Variants in SYNE1 observed in about 807,000 individuals in gnomAD.
SYNE1 encodes the protein spectrin repeat containing nuclear envelope protein 1.
A neutral mutation model predicts 1,111.0 loss-of-function variants in SYNE1; 616 were observed. The ratio of observed to expected loss-of-function variants is 0.55; its 90% CI spans 0.52 to 0.59. The LOEUF (loss-of-function observed/expected upper bound fraction) is 0.59. Ranked by LOEUF, SYNE1 falls within the 20% of genes least tolerant of loss-of-function variation. The pLI is 0.00. For synonymous variants in SYNE1, 3,855 were observed against 3,825.8 expected, an observed-to-expected ratio of 1.01 and a Z score of -0.28; for missense variants, 10,006 against 10,417.0, an observed-to-expected ratio of 0.96 and a Z score of 1.72.
At chr6:152,383,953 G>T in intron 55 of SYNE1, among the ~76,000 whole-genome samples, 1 of 152,160 alleles carries the variant, frequency 6.6e-6, no homozygotes, top group Middle Eastern at 3.2e-3. Flanking sequence ...TCTAGGCAAA[G>T]ACTTGACCAT....
intron 70 of SYNE1, among the ~76,000 whole-genome samples, chr6:152,351,085 A>C (rs1351424072): frequency 1.3e-5 from 2 of 152,230 alleles, no homozygotes; most frequent in East Asian, 3.8e-4. Context: ...GAGAAAAAAA[A>C]TCTCAACATA....
At chr6:152,389,409 C>T (rs975607204) in intron 53 of SYNE1, among the ~76,000 whole-genome samples, 1 of 152,134 alleles carries the variant, frequency 6.6e-6, no homozygotes, top group Admixed American at 6.5e-5. Context: ...TTTGTATGAA[C>T]TTTAATCTTC....
intron 4 of SYNE1, among the ~76,000 whole-genome samples, chr6:152,526,674 G>A (rs2099165176): frequency 6.6e-6 from 1 of 152,174 alleles, no homozygotes; most frequent in Admixed American, 6.5e-5. Flanking sequence ...CCTGCTAGAG[G>A]AGCACTGTCA....
rs1254166800 is a variant in SYNE1, at chr6:152,364,718, A to G, written c.10145+129T>C. 8.3e-5 allele frequency: 86 copies of G among 1,042,160 alleles called. 1 individual carries two copies. The Admixed American group carries it at 1.2e-3, about 15-fold the overall frequency. The allele number at this position is 1,042,160 out of a possible 1,614,324, so 64.6% of individuals were successfully genotyped here. A position where few individuals can be genotyped will look rare whatever the true frequency, so the allele number is the denominator to read the frequency against. ...GAAGGAAGGAAGGAAGGAAGGAAGG[A>G]AGGAAGGAAGGGAGGAAGGAAAGGA... On this transcript the variant is annotated intron_variant, in intron 63 of 145. Transcript: ENST00000367255.
At chr6:152,482,966 C>A in intron 14 of SYNE1, 119 bp downstream of exon 14, 1 of 1,156,026 alleles carries the variant, frequency 8.7e-7, no homozygotes, top group Non-Finnish European at 1.3e-6. Context: ...GGTGTGACGT[C>A]TCCGATCATG....
At chr6:152,172,216 CTG>C (rs1396372392) in intron 130 of SYNE1, among the ~76,000 whole-genome samples, 2 of 152,096 alleles carry the variant, frequency 1.3e-5, no homozygotes, top group African/African-American at 4.8e-5. Context: ...TAATGGGTAA[CTG>C]TTTTTATTTG....
rs1340401176 is a variant in SYNE1, at chr6:152,219,102, A to G, written c.21945T>C (p.Asp7315=). Reference sequence around the variant, plus strand: ...ATTGAATAGCTGATGCTGCGGAAGCATCCACTTGTTGCTTCAGTTGCTCTC... The same window carrying G: ...ATTGAATAGCTGATGCTGCGGAAGCGTCCACTTGTTGCTTCAGTTGCTCTC... The part of the protein sequence containing the change: ...ELGEQLKQQV[D]ASAASAIQSD... Residue 7315 remains aspartate (D), a synonymous_variant, in exon 120 of 146, where the codon GAT becomes GAC. Coordinates refer to ENST00000367255, the MANE Select transcript of SYNE1 (RefSeq NM_182961.4). 8 of 1,614,196 alleles carry G rather than the reference A, an allele frequency of 5.0e-6. No homozygotes were observed. The highest frequency in any genetic ancestry group is 6.8e-6 in the Non-Finnish European group (8 of 1,180,000).
intron 74 of SYNE1, among the ~76,000 whole-genome samples, chr6:152,340,126 A>T (rs892226752): frequency 6.6e-6 from 1 of 152,218 alleles, no homozygotes; most frequent in Non-Finnish European, 1.5e-5. Flanking sequence ...ATGAGGAAGA[A>T]GGACTGCCAC....
chr6:152,164,066 T>A, intron 131 of SYNE1, 97 bp downstream of exon 131: 1 of 1,537,648 alleles, frequency 6.5e-7, no homozygotes, highest in Non-Finnish European at 9.0e-7. Context: ...CTGCTGACCT[T>A]CCATCTCCAG....
intron 59 of SYNE1, among the ~76,000 whole-genome samples, chr6:152,372,692 T>C (rs975154545): frequency 3.9e-5 from 6 of 152,210 alleles, no homozygotes; most frequent in Admixed American, 3.9e-4. Context: ...CTTATGTAGA[T>C]ATTCCTGATC....
chr6:152,172,567 G>A (rs1162781046), intron 130 of SYNE1, among the ~76,000 whole-genome samples: 10 of 152,142 alleles, frequency 6.6e-5, no homozygotes, highest in Admixed American at 5.2e-4. Flanking sequence ...TTACTAATTC[G>A]TTGTCTGTGA....
At chr6:152,463,258 A>G in intron 19 of SYNE1, 95 bp downstream of exon 19, 2 of 1,566,142 alleles carry the variant, frequency 1.3e-6, no homozygotes, top group South Asian at 1.1e-5. Context: ...GCCTTAATAA[A>G]CCCGTGCTCT....
intron 124 of SYNE1, 126 bp downstream of exon 124, chr6:152,211,368 A>T: frequency 1.3e-6 from 1 of 747,134 alleles, no homozygotes; most frequent in Non-Finnish European, 2.3e-6. Flanking sequence ...TCCTCCAATT[A>T]CTGAGGCCCC....
At chr6:152,431,098 C>T (rs184594245) in intron 34 of SYNE1, among the ~76,000 whole-genome samples, 121 of 152,272 alleles carry the variant, frequency 7.9e-4, no homozygotes, top group Middle Eastern at 3.4e-3. Flanking sequence ...CATTAGAATG[C>T]TAAATACTGA....
intron 3 of SYNE1, among the ~76,000 whole-genome samples, chr6:152,605,405 T>C (rs2099612148): frequency 6.6e-6 from 1 of 152,190 alleles, no homozygotes; most frequent in South Asian, 2.1e-4. Flanking sequence ...TACTTGGTAC[T>C]TCAAAATACT....
chr6:152,626,464 A>G (rs941639385), intron 3 of SYNE1, among the ~76,000 whole-genome samples: 5 of 152,128 alleles, frequency 3.3e-5, no homozygotes, highest in Non-Finnish European at 5.9e-5. Context: ...AACAGCCAAG[A>G]CAAACATAGA....
chr6:152,227,042 T>C (rs1393962077), intron 115 of SYNE1, among the ~76,000 whole-genome samples: 1 of 152,190 alleles, frequency 6.6e-6, no homozygotes, highest in African/African-American at 2.4e-5. Flanking sequence ...GATCCATACA[T>C]GAGTAATAAG....
At chr6:152,372,315 T>C (rs1366955211) in intron 59 of SYNE1, among the ~76,000 whole-genome samples, 1 of 152,146 alleles carries the variant, frequency 6.6e-6, no homozygotes, top group Non-Finnish European at 1.5e-5. Context: ...ATTGAGGAAA[T>C]ACACATTTTC....
intron 14 of SYNE1, among the ~76,000 whole-genome samples, chr6:152,473,636 A>C (rs987353981): frequency 8.5e-5 from 13 of 152,208 alleles, no homozygotes; most frequent in Non-Finnish European, 1.3e-4. Flanking sequence ...AACTCATCAC[A>C]GGAGGGTAGA....
Sources: gnomAD v4.1 joint callset for allele counts (sites outside exome capture counted in the v4.1 genomes callset) on GRCh38, gnomAD v4.1.1 for gene constraint, MANE v1.5 for transcripts, NCBI Gene and HGNC (gene_info 2026-07-23, HGNC 2026-07-21) for gene names.